Variants in ROBO2 observed in about 807,000 individuals in gnomAD.
The protein encoded by ROBO2 is roundabout homolog 2.
ROBO2 carries 53 observed loss-of-function variants against 160.8 expected under a neutral mutation model. The observed-to-expected ratio is 0.33, with a 90% CI of 0.26 to 0.41. The LOEUF (loss-of-function observed/expected upper bound fraction) is 0.41, where lower values mean the gene tolerates loss of function less well. Among genes scored for constraint, ROBO2 ranks in the 10% least tolerant of loss-of-function variants. The probability of loss-of-function intolerance (pLI) is 1.00; values close to 1 mark genes in which losing one functional copy is unlikely to be tolerated. For missense variants in ROBO2, 1,577 were observed against 1,722.4 expected (o/e 0.92, Z 1.49); for synonymous variants, 664 against 611.7 (o/e 1.09, Z -1.26).
chr3:76,256,449 G>C (rs541283979), intron 2 of ROBO2, among the ~76,000 whole-genome samples: 1 of 151,758 alleles, frequency 6.6e-6, no homozygotes, highest in East Asian at 2.0e-4. Context: ...GCTCACACCT[G>C]TAATCCCAGC....
chr3:76,752,088 T>C (rs1262178334), intron 2 of ROBO2, among the ~76,000 whole-genome samples: 3 of 152,130 alleles, frequency 2.0e-5, no homozygotes, highest in Non-Finnish European at 4.4e-5. Flanking sequence ...GTGACACATA[T>C]ACAGCATGGA....
intron 2 of ROBO2, among the ~76,000 whole-genome samples, chr3:76,990,853 G>A (rs529397959): frequency 1.3e-5 from 2 of 152,190 alleles, no homozygotes; most frequent in South Asian, 4.2e-4. Context: ...GGCTGGTAAG[G>A]GAAGAATATC....
At chr3:76,880,370 A>G (rs1163790745) in intron 2 of ROBO2, among the ~76,000 whole-genome samples, 1 of 152,176 alleles carries the variant, frequency 6.6e-6, no homozygotes, top group African/African-American at 2.4e-5. Flanking sequence ...ATAAAGATTA[A>G]AAGATGATCA....
intron 2 of ROBO2, among the ~76,000 whole-genome samples, chr3:76,098,713 G>A (rs898567508): frequency 6.6e-6 from 1 of 151,998 alleles, no homozygotes; most frequent in Non-Finnish European, 1.5e-5. Flanking sequence ...TCTTAACAAA[G>A]TAAACATTAT....
At chr3:76,064,349 G>A (rs373015379) in intron 2 of ROBO2, among the ~76,000 whole-genome samples, 15 of 152,134 alleles carry the variant, frequency 9.9e-5, no homozygotes, top group Non-Finnish European at 1.9e-4. Context: ...GAGGAAGCTC[G>A]GCTGCAAATC....
At chr3:76,248,554 G>A (rs543099379) in intron 2 of ROBO2, among the ~76,000 whole-genome samples, 187 of 151,402 alleles carry the variant, frequency 1.2e-3, no homozygotes, top group African/African-American at 4.4e-3. Flanking sequence ...TGACAAGTTA[G>A]TGGGTGCAGC....
chr3:77,293,133 A>G (rs965220550), intron 2 of ROBO2, among the ~76,000 whole-genome samples: 2 of 151,404 alleles, frequency 1.3e-5, no homozygotes, highest in Admixed American at 1.3e-4. Flanking sequence ...CACCCCAGAC[A>G]TAAAGTAAAA....
intron 2 of ROBO2, among the ~76,000 whole-genome samples, chr3:77,234,247 C>T (rs948034980): frequency 6.6e-6 from 1 of 152,100 alleles, no homozygotes; most frequent in Non-Finnish European, 1.5e-5. Context: ...CTGATTCTTC[C>T]CCCTCCCATC....
At chr3:76,025,924 G>A (rs1337359945) in intron 2 of ROBO2, among the ~76,000 whole-genome samples, 4 of 151,788 alleles carry the variant, frequency 2.6e-5, no homozygotes, top group African/African-American at 9.7e-5. Flanking sequence ...TTCTACATGA[G>A]CTCTACCATC....
chr3:76,114,016 G>A (rs758656916), intron 2 of ROBO2, among the ~76,000 whole-genome samples: 16 of 152,174 alleles, frequency 1.1e-4, no homozygotes, highest in Non-Finnish European at 2.1e-4. Context: ...CACCAGAGCC[G>A]AGCAGATGCT....
At chr3:76,777,286 C>T (rs1349527882) in intron 2 of ROBO2, among the ~76,000 whole-genome samples, 3 of 151,048 alleles carry the variant, frequency 2.0e-5, no homozygotes, top group African/African-American at 7.3e-5. Context: ...TTCACATTCG[C>T]TGTGTAAGTT....
intron 24 of ROBO2, 26 bp from the exon 27 acceptor site, chr3:77,644,678 G>T (rs2095393489): frequency 1.2e-6 from 2 of 1,610,584 alleles, no homozygotes; most frequent in South Asian, 1.1e-5. Flanking sequence ...GTTCAATTTA[G>T]CCTTTGGGTT....
intron 6 of ROBO2, among the ~76,000 whole-genome samples, chr3:77,531,443 A>C (rs545892885): frequency 1.3e-5 from 2 of 152,100 alleles, no homozygotes; most frequent in African/African-American, 4.8e-5. Flanking sequence ...ACAGTAATTA[A>C]ATATACTATT....
intron 2 of ROBO2, among the ~76,000 whole-genome samples, chr3:76,946,038 C>T (rs745780498): frequency 3.3e-5 from 5 of 152,044 alleles, no homozygotes; most frequent in Non-Finnish European, 7.4e-5. Flanking sequence ...TTTTTGTAGT[C>T]GTATAAATAT....
chr3:76,565,857 A>C (rs1168653711), intron 2 of ROBO2, among the ~76,000 whole-genome samples: 1 of 152,192 alleles, frequency 6.6e-6, no homozygotes, highest in East Asian at 1.9e-4. Flanking sequence ...AGGAGTTGTT[A>C]GTCAAATATG....
At position 77,347,851 on chromosome 3, in the gene ROBO2, T is replaced by G. The variant is rs189991258; in HGVS notation, c.389-129563T>G. ...TTTCACCTTCTTGCCCAAATCCTTTTCTTTAGAGTGCTCCAGCTCAGGGTT... is the reference window on the plus strand; with the variant it reads ...TTTCACCTTCTTGCCCAAATCCTTTGCTTTAGAGTGCTCCAGCTCAGGGTT... On this transcript the variant is annotated intron_variant, in intron 2 of 25. Transcript: ENST00000461745. 3.3e-3 allele frequency among the ~76,000 whole-genome samples: 499 copies of G among 152,278 alleles called. 5 individuals carry two copies. Among genetic ancestry groups the G allele is most frequent in the Non-Finnish European group, 2.2e-3 (150 of 68,028 alleles).
At position 75,928,232 on chromosome 3, in the gene ROBO2, C is replaced by T. The variant is rs189692360; in HGVS notation, c.-13-9249C>T. On this transcript the variant is annotated intron_variant, in intron 1 of 26. Transcript: ENST00000487694. The stretch of plus-strand genomic sequence containing the variant: ...ATCTCCTGACCTCGTGATCCACACG[C>T]CTCGACCTCCCAAAGTGCTGGGATT... Among the ~76,000 whole-genome samples the T allele has an allele frequency of 5.4e-3, 818 of 152,292 alleles. 4 individuals are homozygous for T. The highest frequency in any genetic ancestry group is 9.0e-3 in the Admixed American group (137 of 15,302).
intron 2 of ROBO2, among the ~76,000 whole-genome samples, chr3:76,058,173 A>G (rs1329494597): frequency 1.3e-5 from 2 of 151,908 alleles, no homozygotes. Flanking sequence ...TTACGTAGGT[A>G]TACACATGCC....
At chr3:76,465,946 C>A (rs2078335465) in intron 2 of ROBO2, among the ~76,000 whole-genome samples, 2 of 150,806 alleles carry the variant, frequency 1.3e-5, no homozygotes, top group African/African-American at 4.9e-5. Context: ...ACATTTTCTC[C>A]TTTTGATCTC....
Sources: allele counts gnomAD v4.1 joint callset (sites outside exome capture counted in the v4.1 genomes callset), GRCh38; gene constraint gnomAD v4.1.1; transcripts MANE v1.5; gene names NCBI Gene and HGNC (gene_info 2026-07-23, HGNC 2026-07-21).